GCLC: variants seen among roughly 807,000 people sequenced by gnomAD.
GCLC encodes glutamate-cysteine ligase catalytic subunit.
A neutral mutation model predicts 81.5 loss-of-function variants in GCLC; 30 were observed. The observed-to-expected ratio is 0.37, with a 90% CI of 0.28 to 0.50. The LOEUF (loss-of-function observed/expected upper bound fraction) is 0.50, where lower values mean the gene tolerates loss of function less well. Ranked by LOEUF, GCLC falls within the 20% of genes least tolerant of loss-of-function variation. The pLI is 0.96. For synonymous variants in GCLC, 262 were observed against 273.3 expected (o/e 0.96, Z 0.41); for missense variants, 556 against 777.4 (o/e 0.72, Z 3.39).
At chr6:53,531,341 G>A (rs1246544266) in intron 1 of GCLC, among the ~76,000 whole-genome samples, 4 of 152,144 alleles carry the variant, frequency 2.6e-5, no homozygotes, top group Non-Finnish European at 4.4e-5. Context: ...CTGCTGTTTC[G>A]TGGAAATGTT....
rs1764820165 is a variant in GCLC at position 53,514,352 on chromosome 6, T to C, written c.620-15A>G. On this transcript the variant is annotated splice_polypyrimidine_tract_variant and intron_variant, in intron 5 of 15. Transcript: ENST00000650454. ...GTCCTTAAATACTGTATTATAAAAA[T>C]ACAAAAATAAAAATGGTTTAGAATC... The C allele has an allele frequency of 1.3e-6, 2 of 1,589,728 alleles. No homozygotes were observed. The highest frequency in any genetic ancestry group is 8.6e-7 in the Non-Finnish European group (1 of 1,157,984).
rs17881198 is a variant in GCLC, at chr6:53,521,949, G to A, written c.263+466C>T. On this transcript the variant is annotated intron_variant, in intron 2 of 15. Coordinates refer to ENST00000650454, the MANE Select transcript of GCLC (RefSeq NM_001498.4). ...AGATCGTGCCACTGCACTCCAGCCC[G>A]GACGACAGAGTGAGACTCCGTCTCA... Among the ~76,000 whole-genome samples, 838 of 152,278 alleles carry A rather than the reference G, an allele frequency of 5.5e-3. 3 individuals carry two copies. The highest frequency in any genetic ancestry group is 0.014 in the Middle Eastern group (4 of 294).
intron 1 of GCLC, among the ~76,000 whole-genome samples, chr6:53,535,089 G>A (rs1166457396): frequency 6.6e-6 from 1 of 152,218 alleles, no homozygotes; most frequent in Non-Finnish European, 1.5e-5. Context: ...GCAATCAAAA[G>A]AGTATGCCAT....
rs1763420561 is a variant in GCLC, at chr6:53,544,726, C to T, written c.-81G>A. On this transcript the variant is annotated 5_prime_UTR_variant, in exon 1 of 16. Coordinates refer to ENST00000650454, the MANE Select transcript of GCLC (RefSeq NM_001498.4). ...GGGCGCGAGACGGACACTCAGCCGC[C>T]CGCAGAAGGCGGCTGCCGCTCCACC... 6 of 1,380,954 alleles carry T rather than the reference C, an allele frequency of 4.3e-6. No homozygotes were observed. The highest frequency in any genetic ancestry group is 5.8e-6 in the Non-Finnish European group (6 of 1,032,034). 85.5% of individuals were successfully genotyped at this position (1,380,954 alleles called of 1,614,324 possible). A position where few individuals can be genotyped will look rare whatever the true frequency, so the allele number is the denominator to read the frequency against.
intron 1 of GCLC, among the ~76,000 whole-genome samples, chr6:53,529,448 A>G (rs1763137126): frequency 6.6e-6 from 1 of 152,238 alleles, no homozygotes; most frequent in Non-Finnish European, 1.5e-5. Context: ...AAACCTAACC[A>G]GTCATCTCAC....
At chr6:53,511,204 G>C (rs1036471164) in intron 6 of GCLC, among the ~76,000 whole-genome samples, 1 of 143,280 alleles carries the variant, frequency 7.0e-6, no homozygotes, top group African/African-American at 2.5e-5. Context: ...AAAAAAGTGG[G>C]GGGGGGGTGC....
intron 6 of GCLC, among the ~76,000 whole-genome samples, chr6:53,512,350 C>A (rs1392757826): frequency 6.6e-6 from 1 of 151,536 alleles, no homozygotes; most frequent in African/African-American, 2.4e-5. Flanking sequence ...TTCCATTAGC[C>A]TTACAAAATT....
intron 1 of GCLC, among the ~76,000 whole-genome samples, chr6:53,530,826 C>T (rs1763159262): frequency 6.6e-6 from 1 of 152,080 alleles, no homozygotes; most frequent in South Asian, 2.1e-4. Context: ...AAACAAAAAG[C>T]CTACTTCCTG....
At position 53,526,560 on chromosome 6, in the gene GCLC, A is replaced by T. The variant is rs188257968; in HGVS notation, c.151-4033T>A. The stretch of plus-strand genomic sequence containing the variant: ...ATGCCTGTAATCCCAGCACTTTGGG[A>T]GGCCGAGGCGGGCGGATCACAAGGT... On this transcript the variant is annotated intron_variant, in intron 1 of 15. Transcript: ENST00000650454. Among the ~76,000 whole-genome samples, 50 of 152,196 alleles carry T rather than the reference A, an allele frequency of 3.3e-4. 3 individuals carry two copies. The East Asian group carries it at 5.6e-3, about 17-fold the overall frequency.
At chr6:53,515,586 G>C (rs1187482322) in intron 4 of GCLC, among the ~76,000 whole-genome samples, 3 of 152,206 alleles carry the variant, frequency 2.0e-5, no homozygotes, top group African/African-American at 4.8e-5. Context: ...ACAAAGCTAA[G>C]ATCAGGCTAG....
At chr6:53,544,063 C>CCTG (rs1188693463) in intron 1 of GCLC, among the ~76,000 whole-genome samples, 1 of 152,152 alleles carries the variant, frequency 6.6e-6, no homozygotes, top group Non-Finnish European at 1.5e-5. Context: ...ATCCTGAAGA[C>CCTG]CTGATTTCTA....
chr6:53,501,990 T>C (rs1486280140), intron 12 of GCLC, among the ~76,000 whole-genome samples: 2 of 152,242 alleles, frequency 1.3e-5, no homozygotes, highest in East Asian at 3.8e-4. Context: ...CTACACAATC[T>C]GTAATTCTAG....
intron 1 of GCLC, among the ~76,000 whole-genome samples, chr6:53,536,673 G>C (rs1260419309): frequency 6.6e-6 from 1 of 152,110 alleles, no homozygotes; most frequent in African/African-American, 2.4e-5. Context: ...GATGTTAGAG[G>C]CTCAATTAAT....
Position 53,506,837 on chromosome 6 carries a change from A to G in GCLC, c.1197+76T>C. 1 of 797,532 alleles carries G rather than the reference A, an allele frequency of 1.3e-6. No homozygotes were observed. Among genetic ancestry groups the G allele is most frequent in the Non-Finnish European group, 2.2e-6 (1 of 456,076 alleles). 49.4% of individuals were successfully genotyped at this position (797,532 alleles called of 1,614,324 possible). ...CTCCCCATGTTGGTTTGTGAAGTGA[A>G]ATGCATATAAAACAGAGGATTCCAG... is the stretch of plus-strand genomic sequence containing the variant. On this transcript the variant is annotated intron_variant, in intron 10 of 15. Transcript: ENST00000650454. The surrounding 1 kb of genome is among the most constrained non-coding windows in gnomAD (Gnocchi z 4.0).
At chr6:53,533,767 T>G (rs115948232) in intron 1 of GCLC, among the ~76,000 whole-genome samples, 5,369 of 151,260 alleles carry the variant, frequency 0.035, 164 homozygotes, top group Middle Eastern at 0.087. Context: ...GAAACTGTGG[T>G]CCAAAGAATT....
At chr6:53,505,554 T>C (rs1253830543) in intron 11 of GCLC, 58 bp from the exon 12 acceptor site, 18 of 915,096 alleles carry the variant, frequency 2.0e-5, no homozygotes, top group Non-Finnish European at 3.1e-5. Flanking sequence ...TGCTCTTCCC[T>C]GACCCAGGCC....
At chr6:53,499,425 T>A (rs17883412) in intron 15 of GCLC, among the ~76,000 whole-genome samples, 58 of 152,274 alleles carry the variant, frequency 3.8e-4, no homozygotes, top group Admixed American at 5.9e-4. Context: ...AGTGGGAAAT[T>A]GGCAGTATAC....
rs1764431785 is a variant in GCLC at position 53,498,762 on chromosome 6, G to A, written c.1908C>T (p.Ser636=). 1.3e-6 allele frequency: 2 copies of A among 1,590,480 alleles called. No individual in the cohort carries two copies. The highest frequency in any genetic ancestry group is 2.7e-5 in the African/African-American group (2 of 74,450). ...VKYSGSKTDS[S]N ...TTTTCTTTCTGTAGAATGTCTAGTT[G>A]GATGAGTCAGTTTTACTTCCACTAT... is the stretch of plus-strand genomic sequence containing the variant. Residue 636 remains serine (S), a synonymous_variant, in exon 16 of 16, where the codon TCC becomes TCT. Coordinates refer to ENST00000650454, the MANE Select transcript of GCLC (RefSeq NM_001498.4).
intron 6 of GCLC, 91 bp downstream of exon 6, chr6:53,514,113 G>T: frequency 8.0e-7 from 1 of 1,249,322 alleles, no homozygotes; most frequent in Non-Finnish European, 1.2e-6. Context: ...ATTAAAATGT[G>T]ATTTTTGGAA....
Sources: gnomAD v4.1 joint callset for allele counts (sites outside exome capture counted in the v4.1 genomes callset) on GRCh38, gnomAD v4.1.1 for gene constraint, Gnocchi (gnomAD v3.1) non-coding constraint, MANE v1.5 for transcripts, NCBI Gene and HGNC (gene_info 2026-07-23, HGNC 2026-07-21) for gene names.